The following METTL15 variants were observed in gnomAD, a reference collection of about 807,000 sequenced individuals.
METTL15 encodes methyltransferase 15, mitochondrial 12S rRNA N4-cytidine.
METTL15 carries 34 observed loss-of-function variants against 38.3 expected under a neutral mutation model. The ratio of observed to expected loss-of-function variants is 0.89; its 90% confidence interval spans 0.68 to 1.18. METTL15 has a LOEUF of 1.18. Among genes scored for constraint, METTL15 ranks in the 50% most tolerant of loss-of-function variants. The pLI is 0.00. For missense variants in METTL15, 438 were observed against 498.4 expected (o/e 0.88, Z 1.15); for synonymous variants, 162 against 170.9 (o/e 0.95, Z 0.41).
intron 6 of METTL15, among the ~76,000 whole-genome samples, chr11:28,504,406 G>A (rs894036962): frequency 6.6e-5 from 10 of 152,064 alleles, no homozygotes; most frequent in African/African-American, 2.2e-4. Context: ...CCATCAAGAA[G>A]TATGTCCAAT....
intron 6 of METTL15, among the ~76,000 whole-genome samples, chr11:28,512,993 G>T (rs1851688828): frequency 6.6e-6 from 1 of 152,238 alleles, no homozygotes; most frequent in Non-Finnish European, 1.5e-5. Context: ...GATTGGTCCT[G>T]CTTTCTCAGG....
intron 3 of METTL15, among the ~76,000 whole-genome samples, chr11:28,344,188 C>T (rs1849978639): frequency 6.6e-6 from 1 of 152,146 alleles, no homozygotes; most frequent in Non-Finnish European, 1.5e-5. Context: ...AAAATGCTCT[C>T]TGTAGGATGA....
intron 6 of METTL15, among the ~76,000 whole-genome samples, chr11:28,517,768 A>C (rs920543149): frequency 3.9e-5 from 6 of 152,214 alleles, no homozygotes; most frequent in African/African-American, 1.2e-4. Flanking sequence ...GTTACTGACA[A>C]TGATGTGTGT....
intron 6 of METTL15, among the ~76,000 whole-genome samples, chr11:28,317,804 G>A (rs563982381): frequency 1.4e-4 from 21 of 152,240 alleles, no homozygotes; most frequent in African/African-American, 5.1e-4. Flanking sequence ...AATTCTTTGT[G>A]AGTCATAAGA....
intron 4 of METTL15, among the ~76,000 whole-genome samples, chr11:28,225,541 G>GT (rs768660542): frequency 7.4e-4 from 107 of 145,322 alleles, no homozygotes; most frequent in African/African-American, 8.8e-4. Flanking sequence ...GGTCAACCCA[G>GT]TTTTTTTTTT....
At chr11:28,478,663 T>C (rs1166148515) in intron 6 of METTL15, among the ~76,000 whole-genome samples, 1 of 152,162 alleles carries the variant, frequency 6.6e-6, no homozygotes, top group African/African-American at 2.4e-5. Flanking sequence ...TCCTGGATGC[T>C]CAGGGTAACC....
chr11:28,173,331 C>T (rs928840749), intron 3 of METTL15, among the ~76,000 whole-genome samples: 1 of 152,032 alleles, frequency 6.6e-6, no homozygotes, highest in African/African-American at 2.4e-5. Context: ...CTAAGAATTC[C>T]TAGAGAGCTT....
intron 6 of METTL15, among the ~76,000 whole-genome samples, chr11:28,310,378 G>A (rs199620445): frequency 1.2e-3 from 165 of 134,050 alleles, no homozygotes; most frequent in African/African-American, 2.4e-3. Context: ...ACACACACAC[G>A]CACGCACCCA....
chr11:28,449,975 C>T (rs774153265), intron 6 of METTL15, among the ~76,000 whole-genome samples: 3 of 152,090 alleles, frequency 2.0e-5, no homozygotes, highest in Admixed American at 6.6e-5. Context: ...TAAGACTTTC[C>T]GAAATTCTTG....
intron 4 of METTL15, among the ~76,000 whole-genome samples, chr11:28,357,106 C>G (rs555588050): frequency 2.0e-5 from 3 of 152,168 alleles, no homozygotes; most frequent in Non-Finnish European, 2.9e-5. Context: ...GTAGGCAGAA[C>G]ATTTGCTTTT....
chr11:28,168,076 C>T (rs1193593367), intron 3 of METTL15, among the ~76,000 whole-genome samples: 1 of 152,022 alleles, frequency 6.6e-6, no homozygotes, highest in African/African-American at 2.4e-5. Flanking sequence ...GATTCCTATA[C>T]TGACATCAGT....
intron 3 of METTL15, among the ~76,000 whole-genome samples, chr11:28,180,242 G>T (rs1851234121): frequency 6.6e-6 from 1 of 151,830 alleles, no homozygotes; most frequent in South Asian, 2.1e-4. Flanking sequence ...TTTTCAAATT[G>T]ATGTGTTTTT....
chr11:28,345,933 G>C lies in METTL15; in HGVS notation c.*190-6157G>C, dbSNP rs751334074. ...CCAGGAATGACATTTATAATGAAAGGTATTAAATGATTATTTTCTAAAACA... is the reference window on the plus strand; with the variant it reads ...CCAGGAATGACATTTATAATGAAAGCTATTAAATGATTATTTTCTAAAACA... On this transcript the variant is annotated intron_variant and NMD_transcript_variant, in intron 3 of 7. Transcript: ENST00000532947. 3.3e-5 allele frequency among the ~76,000 whole-genome samples: 5 copies of C among 152,240 alleles called. No individual in the cohort carries two copies. The South Asian group carries it at 8.3e-4, about 25-fold the overall frequency.
chr11:28,479,057 TTG>T (rs71050961), intron 6 of METTL15, among the ~76,000 whole-genome samples: 2,075 of 146,796 alleles, frequency 0.014, 34 homozygotes, highest in African/African-American at 0.029. Flanking sequence ...TTATTTCTCT[TTG>T]TGTGTGTGTG....
chr11:28,138,220 A>G (rs1849579211), intron 3 of METTL15, among the ~76,000 whole-genome samples: 1 of 152,134 alleles, frequency 6.6e-6, no homozygotes, highest in African/African-American at 2.4e-5. Context: ...GTGCATTAAG[A>G]GTAGCAAAAT....
intron 6 of METTL15, among the ~76,000 whole-genome samples, chr11:28,307,561 C>T (rs1215230981): frequency 6.6e-6 from 1 of 151,888 alleles, no homozygotes; most frequent in Non-Finnish European, 1.5e-5. Flanking sequence ...TAATAATTGT[C>T]TTTGCACTTG....
At chr11:28,254,741 C>G (rs1251537172) in intron 4 of METTL15, among the ~76,000 whole-genome samples, 1 of 152,102 alleles carries the variant, frequency 6.6e-6, no homozygotes, top group African/African-American at 2.4e-5. Flanking sequence ...ACTCTCCTTT[C>G]CCCAGTATAT....
chr11:28,470,690 A>G (rs529768159), intron 6 of METTL15, among the ~76,000 whole-genome samples: 2 of 152,090 alleles, frequency 1.3e-5, no homozygotes, highest in South Asian at 4.1e-4. Flanking sequence ...ATTTTTGGAA[A>G]CTGAAGTGGT....
At chr11:28,295,789 TG>T (rs1488291753) in intron 5 of METTL15, among the ~76,000 whole-genome samples, 5 of 152,066 alleles carry the variant, frequency 3.3e-5, no homozygotes, top group African/African-American at 1.2e-4. Context: ...AGGTGTTTGT[TG>T]GCAACCCCAC....
Sources: allele counts gnomAD v4.1 joint callset (sites outside exome capture counted in the v4.1 genomes callset), GRCh38; gene constraint gnomAD v4.1.1; transcripts MANE v1.5; gene names NCBI Gene and HGNC (gene_info 2026-07-23, HGNC 2026-07-21).